VEGFC: variants seen among roughly 807,000 people sequenced by gnomAD.
The protein encoded by VEGFC is vascular endothelial growth factor C.
A neutral mutation model predicts 46.1 loss-of-function variants in VEGFC; 12 were observed. The ratio of observed to expected loss-of-function variants is 0.26; its 90% CI spans 0.17 to 0.42. The LOEUF is 0.42. VEGFC is among the 10% of genes least tolerant of loss of function. The pLI is 1.00. For missense variants in VEGFC, 488 were observed against 529.4 expected, an observed-to-expected ratio of 0.92 and a Z score of 0.77; for synonymous variants, 232 against 195.5, an observed-to-expected ratio of 1.19 and a Z score of -1.56.
chr4:176,684,608 G>A (rs1471766514), intron 6 of VEGFC, among the ~76,000 whole-genome samples: 3 of 152,152 alleles, frequency 2.0e-5, no homozygotes, highest in African/African-American at 7.2e-5. Flanking sequence ...GAGGTGAGAA[G>A]GACAATACTC....
intron 1 of VEGFC, among the ~76,000 whole-genome samples, chr4:176,731,743 ATCC>A (rs1438897317): frequency 6.6e-6 from 1 of 152,046 alleles, no homozygotes; most frequent in Non-Finnish European, 1.5e-5. Context: ...GCAATACAAC[ATCC>A]TTACACAATA....
At chr4:176,727,409 T>C (rs1734888952) in intron 3 of VEGFC, among the ~76,000 whole-genome samples, 1 of 152,326 alleles carries the variant, frequency 6.6e-6, no homozygotes, top group South Asian at 2.1e-4. Flanking sequence ...CTCCACCATC[T>C]GAAAACTCAC....
At chr4:176,754,229 TG>T (rs1171876946) in intron 1 of VEGFC, among the ~76,000 whole-genome samples, 3 of 151,532 alleles carry the variant, frequency 2.0e-5, no homozygotes, top group South Asian at 4.1e-4. Flanking sequence ...GGTCTTAACT[TG>T]TTTTTTTTTT....
intron 1 of VEGFC, among the ~76,000 whole-genome samples, chr4:176,747,939 T>A (rs1735283729): frequency 6.6e-6 from 1 of 151,872 alleles, no homozygotes; most frequent in Non-Finnish European, 1.5e-5. Context: ...AGCCTAAGAT[T>A]TTTAAAAATA....
At chr4:176,745,012 C>A (rs1215050243) in intron 1 of VEGFC, among the ~76,000 whole-genome samples, 3 of 152,062 alleles carry the variant, frequency 2.0e-5, no homozygotes, top group Non-Finnish European at 2.9e-5. Flanking sequence ...TGTCTGAATT[C>A]TCCAGACAAC....
intron 1 of VEGFC, among the ~76,000 whole-genome samples, chr4:176,757,116 A>T (rs1735445735): frequency 6.6e-6 from 1 of 152,134 alleles, no homozygotes; most frequent in African/African-American, 2.4e-5. Context: ...ATGAGGAATA[A>T]ATGGACAGAG....
chr4:176,685,166 T>C (rs1210790673), intron 6 of VEGFC, among the ~76,000 whole-genome samples: 1 of 152,262 alleles, frequency 6.6e-6, no homozygotes. Context: ...AATTTGGTTT[T>C]GACATTTCAT....
At chr4:176,786,941 C>T (rs919576053) in intron 1 of VEGFC, among the ~76,000 whole-genome samples, 1 of 152,092 alleles carries the variant, frequency 6.6e-6, no homozygotes, top group Non-Finnish European at 1.5e-5. Flanking sequence ...TCCAAAATGC[C>T]TGGAGACTGC....
In VEGFC at chr4:176,780,387, A is replaced by AAAAACAAAAAC. The variant is rs1553997796; in HGVS notation, c.147+11777_147+11778insGTTTTTGTTTT. ...ACAGAGCGAGACTCCATCTCAAAAA[A>AAAAACAAAAAC]AAAAAAAAAAAACTCCTTCTAACCC... On this transcript the variant is annotated intron_variant, in intron 1 of 6. Coordinates refer to ENST00000618562, the MANE Select transcript of VEGFC (RefSeq NM_005429.5). Among the ~76,000 whole-genome samples, 4 of 114,760 alleles carry AAAAACAAAAAC rather than the reference A, an allele frequency of 3.5e-5. 1 individual carries two copies. Among genetic ancestry groups the AAAAACAAAAAC allele is most frequent in the African/African-American group, 1.3e-4 (4 of 31,168 alleles). The allele number at this position is 114,760 out of a possible 152,430, so 75.3% of individuals were successfully genotyped here. A position where few individuals can be genotyped will look rare whatever the true frequency, so the allele number is the denominator to read the frequency against.
chr4:176,684,320 G>A (rs1733998469), intron 6 of VEGFC, among the ~76,000 whole-genome samples: 1 of 152,156 alleles, frequency 6.6e-6, no homozygotes, highest in Non-Finnish European at 1.5e-5. Flanking sequence ...TTGCTTCATG[G>A]GTGAAAGAAA....
At chr4:176,702,996 G>A (rs1424276169) in intron 4 of VEGFC, among the ~76,000 whole-genome samples, 1 of 152,046 alleles carries the variant, frequency 6.6e-6, no homozygotes, top group Non-Finnish European at 1.5e-5. Flanking sequence ...AAGCTGCACT[G>A]TATAATATCT....
At chr4:176,740,365 ATTC>A (rs1735146284) in intron 1 of VEGFC, among the ~76,000 whole-genome samples, 1 of 121,296 alleles carries the variant, frequency 8.2e-6, no homozygotes, top group Non-Finnish European at 1.6e-5. Flanking sequence ...AGTTATATAT[ATTC>A]TATATATAGT....
chr4:176,686,443 T>C (rs1560931896), intron 6 of VEGFC, among the ~76,000 whole-genome samples: 1 of 152,150 alleles, frequency 6.6e-6, no homozygotes, highest in Non-Finnish European at 1.5e-5. Context: ...TGGGAACTTT[T>C]ATAAACTAAG....
chr4:176,733,142 G>A (rs1293771166), intron 1 of VEGFC, among the ~76,000 whole-genome samples: 6 of 152,006 alleles, frequency 3.9e-5, no homozygotes, highest in Admixed American at 1.3e-4. Context: ...TGCAGCAACT[G>A]GAACTCTCAC....
chr4:176,728,813 A>G (rs944645461), intron 2 of VEGFC, among the ~76,000 whole-genome samples: 1 of 152,194 alleles, frequency 6.6e-6, no homozygotes, highest in Non-Finnish European at 1.5e-5. Context: ...AAACTTTTAT[A>G]GCGATTAAGA....
chr4:176,709,914 G>A (rs531943485), intron 4 of VEGFC, among the ~76,000 whole-genome samples: 6 of 152,292 alleles, frequency 3.9e-5, no homozygotes, highest in Non-Finnish European at 8.8e-5. Flanking sequence ...TAATGGCAGT[G>A]ATGGAAATGA....
chr4:176,701,436 C>A lies in VEGFC; in HGVS notation c.704+10063G>T, dbSNP rs144208641. Among the ~76,000 whole-genome samples, 139 of 152,262 alleles carry A rather than the reference C, an allele frequency of 9.1e-4. 1 individual carries two copies. The highest frequency in any genetic ancestry group is 3.0e-3 in the African/African-American group (123 of 41,556). On this transcript the variant is annotated intron_variant, in intron 4 of 6. Transcript: ENST00000618562. ...CGGTGCAGAGATGTATTGATGCAAT[C>A]TCCTCAGCTGTATATATTTTGCTGT...
intron 4 of VEGFC, among the ~76,000 whole-genome samples, chr4:176,707,761 A>G (rs1734559528): frequency 6.6e-6 from 1 of 152,168 alleles, no homozygotes; most frequent in African/African-American, 2.4e-5. Context: ...TGTTTGCAAT[A>G]TATGAGCTAT....
chr4:176,704,268 T>C (rs1365085873), intron 4 of VEGFC, among the ~76,000 whole-genome samples: 1 of 152,166 alleles, frequency 6.6e-6, no homozygotes, highest in African/African-American at 2.4e-5. Context: ...CCCCACAGTT[T>C]CATCTGTGGC....
Sources: allele counts gnomAD v4.1 joint callset (sites outside exome capture counted in the v4.1 genomes callset), GRCh38; gene constraint gnomAD v4.1.1; transcripts MANE v1.5; gene names NCBI Gene and HGNC (gene_info 2026-07-23, HGNC 2026-07-21).